The following CHAMP1 variants were observed in gnomAD, a reference collection of about 807,000 sequenced individuals.
The protein encoded by CHAMP1 is chromosome alignment-maintaining phosphoprotein 1.
A neutral mutation model predicts 54.5 loss-of-function variants in CHAMP1; 4 were observed. That is an observed-to-expected ratio of 0.07 (90% CI 0.04 to 0.17). CHAMP1 has a LOEUF of 0.17. Ranked by LOEUF, CHAMP1 falls within the 10% of genes least tolerant of loss-of-function variation. The pLI, the probability that CHAMP1 is intolerant of heterozygous loss-of-function variation, is 1.00. For missense variants in CHAMP1, 994 were observed against 968.6 expected (o/e 1.03, Z -0.35); for synonymous variants, 368 against 342.2 (o/e 1.08, Z -0.83).
In CHAMP1 at chr13:114,326,099, C is replaced by T; in HGVS notation, c.2257C>T (p.Leu753Phe). ...AAAGGCTTTTCTTTTGGAATCTCTC[C>T]TTAAAAATCATGTAGCAGCCCATGG... ...CGKAFLLESL[L>F]KNHVAAHGQS... Residue 753 changes from leucine (L) to phenylalanine (F), a missense_variant, in exon 3 of 3, where the codon CTT becomes TTT. Transcript: ENST00000361283. 6.2e-7 allele frequency: 1 copy of T among 1,612,466 alleles called. No individual in the cohort carries two copies.
chr13:114,315,037 A>G (rs1476017463), intron 1 of CHAMP1, among the ~76,000 whole-genome samples: 1 of 152,238 alleles, frequency 6.6e-6, no homozygotes, highest in East Asian at 1.9e-4. Context: ...TGTAAACCTG[A>G]TAAAGAGTTA....
Position 114,324,857 on chromosome 13 carries a change from C to G in CHAMP1, c.1015C>G (p.Pro339Ala). ...ASSGPWKPAK[P>A]APSVSPGPWK... ...ATCAGGACCTTGGAAGCCAGCTAAA[C>G]CTGCTCCATCTGTGTCTCCTGGACC... Residue 339 changes from proline (P) to alanine (A), a missense_variant, in exon 3 of 3, where the codon CCT becomes GCT. By Grantham distance (27) the Pro-to-Ala change is conservative. Coordinates refer to ENST00000361283, the MANE Select transcript of CHAMP1 (RefSeq NM_032436.4). 1 of 1,614,208 alleles carries G rather than the reference C, an allele frequency of 6.2e-7. No homozygotes were observed. Among genetic ancestry groups the G allele is most frequent in the Non-Finnish European group, 8.5e-7 (1 of 1,180,040 alleles).
chr13:114,323,928 T>C lies in CHAMP1; in HGVS notation c.86T>C (p.Val29Ala). The change falls in exon 3 of 3, where the codon GTA becomes GCA. Residue 29 changes from valine to alanine, a missense_variant. Physicochemically the swap from Val to Ala is moderately conservative, Grantham distance 64. Around this residue, in one of 3 missense-constraint regions of CHAMP1, gnomAD observed 84 missense variants for 120.7 expected, o/e 0.70. Coordinates refer to ENST00000361283, the MANE Select transcript of CHAMP1 (RefSeq NM_032436.4). ...CSFRGTDYENVQIHMGTIHPE... is the reference protein window; with the variant it reads ...CSFRGTDYENAQIHMGTIHPE... Reference sequence around the variant, plus strand: ...TTCAGAGGCACAGACTATGAAAATGTACAAATCCATATGGGTACCATCCAT... The same window carrying C: ...TTCAGAGGCACAGACTATGAAAATGCACAAATCCATATGGGTACCATCCAT... 1.2e-6 allele frequency: 2 copies of C among 1,614,186 alleles called. No individual in the cohort carries two copies. The highest frequency in any genetic ancestry group is 1.7e-6 in the Non-Finnish European group (2 of 1,180,034).
At chr13:114,316,362 C>T (rs772996637) in intron 1 of CHAMP1, among the ~76,000 whole-genome samples, 48 of 151,742 alleles carry the variant, frequency 3.2e-4, no homozygotes, top group Non-Finnish European at 2.5e-4. Flanking sequence ...GAGGTTTCTC[C>T]ACGTTGGTTA....
chr13:114,325,586 C>T lies in CHAMP1; in HGVS notation c.1744C>T (p.Leu582=), dbSNP rs923875420. 1 of 1,614,138 alleles carries T rather than the reference C, an allele frequency of 6.2e-7. No individual in the cohort carries two copies. The highest frequency in any genetic ancestry group is 8.5e-7 in the Non-Finnish European group (1 of 1,180,034). The change falls in exon 3 of 3, where the codon CTA becomes TTA. Residue 582 remains leucine (L), a synonymous_variant. Transcript: ENST00000361283. ...GAAGGCTGTTGAGCTTGGTGATGAA[C>T]TACAAATAGATGCCATAGATGATCA... ...SQKAVELGDE[L]QIDAIDDQKC...
chr13:114,326,307 C>A lies in CHAMP1; in HGVS notation c.*26C>A, dbSNP rs1555380023. On this transcript the variant is annotated 3_prime_UTR_variant, in exon 3 of 3. Coordinates refer to ENST00000361283, the MANE Select transcript of CHAMP1 (RefSeq NM_032436.4). The stretch of plus-strand genomic sequence containing the variant: ...TAACACAGTGTGAATATTTGTTCTA[C>A]AAAGGTGTTTGTTGGAACCATTCTT... 2 of 1,537,308 alleles carry A rather than the reference C, an allele frequency of 1.3e-6. No homozygotes were observed. Among genetic ancestry groups the A allele is most frequent in the East Asian group, 2.3e-5 (1 of 44,292 alleles).
chr13:114,321,036 T>A (rs1259444784), intron 1 of CHAMP1, 74 bp from the exon 2 acceptor site: 1 of 150,838 alleles, frequency 6.6e-6, no homozygotes, highest in Admixed American at 6.6e-5. Context: ...ATACACAGAA[T>A]TCCATTACAG....
chr13:114,316,756 T>G (rs1252756039), intron 1 of CHAMP1, among the ~76,000 whole-genome samples: 1 of 151,756 alleles, frequency 6.6e-6, no homozygotes, highest in East Asian at 1.9e-4. Flanking sequence ...CTTTGGATTT[T>G]TTTTTTTTTT....
At position 114,325,187 on chromosome 13, in the gene CHAMP1, T is replaced by C. The variant is rs367949169; in HGVS notation, c.1345T>C (p.Trp449Arg). ...LRKPSGSPDL[W>R]KLSPDQRKTS... ...AAAACCCTCAGGGTCACCAGATCTT[T>C]GGAAGCTTTCTCCTGATCAGCGGAA... Residue 449 changes from tryptophan to arginine, a missense_variant, in exon 3 of 3, where the codon TGG (tryptophan) becomes CGG (arginine). By Grantham distance (101) the Trp-to-Arg change is moderately radical (BLOSUM62 -3). Around this residue, in one of 3 missense-constraint regions of CHAMP1, gnomAD observed 851 missense variants for 701.3 expected, o/e 1.21. Transcript: ENST00000361283. 1.9e-4 allele frequency: 314 copies of C among 1,614,072 alleles called. No homozygotes were observed. Among genetic ancestry groups the C allele is most frequent in the Non-Finnish European group, 2.6e-4 (306 of 1,180,038 alleles).
chr13:114,322,621 A>G (rs1239214111), intron 2 of CHAMP1: 1 of 152,242 alleles, frequency 6.6e-6, no homozygotes, highest in Non-Finnish European at 1.5e-5. Flanking sequence ...AATTTTACAC[A>G]CAAATGGCCA....
intron 1 of CHAMP1, among the ~76,000 whole-genome samples, chr13:114,315,829 A>AT (rs2087090794): frequency 1.4e-5 from 2 of 147,608 alleles, no homozygotes; most frequent in African/African-American, 5.1e-5. Flanking sequence ...TTAAATGGCA[A>AT]GTTTTGTTTT....
rs1297632293 is a variant in CHAMP1 at position 114,324,206 on chromosome 13, G to C, written c.364G>C (p.Ala122Pro). Reference sequence around the variant, plus strand: ...ACACCAGAAAATACCCTGCAATTCAGCAGAACCAAAATCCATACCTGCCCT... The same window carrying C: ...ACACCAGAAAATACCCTGCAATTCACCAGAACCAAAATCCATACCTGCCCT... Reference protein sequence around the residue: ...PEHQKIPCNSAEPKSIPALSM... With the variant: ...PEHQKIPCNSPEPKSIPALSM... Residue 122 changes from alanine to proline, a missense_variant, in exon 3 of 3, where the codon GCA becomes CCA. By Grantham distance (27) the Ala-to-Pro change is conservative (BLOSUM62 -1). This residue lies in a region of CHAMP1 where 851 missense variants were observed against 701.3 expected (regional missense o/e 1.21). Coordinates refer to ENST00000361283, the MANE Select transcript of CHAMP1 (RefSeq NM_032436.4). 4 of 1,614,082 alleles carry C rather than the reference G, an allele frequency of 2.5e-6. No homozygotes were observed. The South Asian group carries it at 3.3e-5, about 13-fold the overall frequency.
In CHAMP1 at chr13:114,326,078, G is replaced by C. The variant is rs1555379977; in HGVS notation, c.2236G>C (p.Ala746Pro). The part of the protein sequence containing the change: ...SPYKCTICGK[A>P]FLLESLLKNH... Reference sequence around the variant, plus strand: ...TTACAAATGCACAATCTGTGGAAAGGCTTTTCTTTTGGAATCTCTCCTTAA... The same window carrying C: ...TTACAAATGCACAATCTGTGGAAAGCCTTTTCTTTTGGAATCTCTCCTTAA... Residue 746 changes from alanine (A) to proline (P), a missense_variant, in exon 3 of 3, where the codon GCT becomes CCT. Transcript: ENST00000361283. 1.9e-6 allele frequency: 3 copies of C among 1,612,056 alleles called. No individual in the cohort carries two copies. The highest frequency in any genetic ancestry group is 2.5e-6 in the Non-Finnish European group (3 of 1,178,884).
At chr13:114,318,379 A>G (rs1042503156) in intron 1 of CHAMP1, among the ~76,000 whole-genome samples, 2 of 151,092 alleles carry the variant, frequency 1.3e-5, no homozygotes, top group Non-Finnish European at 2.9e-5. Flanking sequence ...CTGGAGTGTA[A>G]TGGTGCAGTC....
Position 114,326,458 on chromosome 13 carries a change from A to G in CHAMP1, c.*177A>G, listed in dbSNP as rs1472749017. 10 of 642,748 alleles carry G rather than the reference A, an allele frequency of 1.6e-5. No homozygotes were observed. The highest frequency in any genetic ancestry group is 3.1e-5 in the South Asian group (1 of 32,038). 39.8% of individuals were successfully genotyped at this position (642,748 alleles called of 1,614,324 possible). ...GATCATTTTTTTCTGGTCTCTGTCT[A>G]TGTGACTATCTTGTAAGTCAATAAA... On this transcript the variant is annotated 3_prime_UTR_variant, in exon 3 of 3. Coordinates refer to ENST00000361283, the MANE Select transcript of CHAMP1 (RefSeq NM_032436.4).
chr13:114,320,968 A>G (rs2087161554), intron 1 of CHAMP1, 142 bp from the exon 2 acceptor site: 1 of 151,720 alleles, frequency 6.6e-6, no homozygotes, highest in Non-Finnish European at 1.5e-5. Flanking sequence ...AAAAAAAAAA[A>G]GTAAGCAGGC....
At position 114,326,119 on chromosome 13, in the gene CHAMP1, C is replaced by T; in HGVS notation, c.2277C>T (p.Ala759=). 1 of 1,613,142 alleles carries T rather than the reference C, an allele frequency of 6.2e-7. No individual in the cohort carries two copies. The highest frequency in any genetic ancestry group is 2.2e-5 in the East Asian group (1 of 44,852). Residue 759 remains alanine (A), a synonymous_variant, in exon 3 of 3, where the codon GCC becomes GCT. Coordinates refer to ENST00000361283, the MANE Select transcript of CHAMP1 (RefSeq NM_032436.4). ...LESLLKNHVA[A]HGQSLLKCPR... The stretch of plus-strand genomic sequence containing the variant: ...CTCTCCTTAAAAATCATGTAGCAGC[C>T]CATGGGCAAAGTTTACTTAAATGTC...
Position 114,326,306 on chromosome 13 carries a change from A to G in CHAMP1, c.*25A>G. 6.5e-7 allele frequency: 1 copy of G among 1,538,416 alleles called. No individual in the cohort carries two copies. Among genetic ancestry groups the G allele is most frequent in the African/African-American group, 1.4e-5 (1 of 72,090 alleles). On this transcript the variant is annotated 3_prime_UTR_variant, in exon 3 of 3. Transcript: ENST00000361283. ...ATAACACAGTGTGAATATTTGTTCT[A>G]CAAAGGTGTTTGTTGGAACCATTCT... is the stretch of plus-strand genomic sequence containing the variant.
chr13:114,317,374 C>T (rs1270627591), intron 1 of CHAMP1, among the ~76,000 whole-genome samples: 3 of 151,552 alleles, frequency 2.0e-5, no homozygotes, highest in Admixed American at 1.3e-4. Context: ...ACCTGTAATC[C>T]CAGCACTTTG....
Sources: gnomAD v4.1 joint callset for allele counts (sites outside exome capture counted in the v4.1 genomes callset) on GRCh38, gnomAD v4.1.1 for gene constraint, gnomAD v4.1.1 regional missense constraint, MANE v1.5 for transcripts, NCBI Gene and HGNC (gene_info 2026-07-23, HGNC 2026-07-21) for gene names.